The following RAB38 variants were observed in gnomAD, a reference collection of about 807,000 sequenced individuals.
The protein encoded by RAB38 is RAB38, member RAS oncogene family.
RAB38 carries 15 observed loss-of-function variants against 18.4 expected under a neutral mutation model. That is an observed-to-expected ratio of 0.82 (90% CI 0.55 to 1.26). The LOEUF (loss-of-function observed/expected upper bound fraction) is 1.26. Ranked by LOEUF, RAB38 falls within the 50% of genes most tolerant of loss-of-function variation. RAB38 has a pLI of 0.00. For synonymous variants in RAB38, 101 were observed against 104.4 expected, an observed-to-expected ratio of 0.97 and a Z score of 0.20; for missense variants, 294 against 267.4, an observed-to-expected ratio of 1.10 and a Z score of -0.69.
chr11:87,949,744 G>A, the RAB38 span, among the ~76,000 whole-genome samples: 4 of 152,208 alleles, frequency 2.6e-5, no homozygotes, highest in Admixed American at 2.0e-4. Flanking sequence ...ATTGCACTGT[G>A]ATCTGAGAGA....
chr11:88,026,340 G>T, the RAB38 span, among the ~76,000 whole-genome samples: 1 of 151,650 alleles, frequency 6.6e-6, no homozygotes, highest in African/African-American at 2.4e-5. Context: ...GAAGCTGGCG[G>T]ATCACGAGGT....
At chr11:88,095,899 G>T in the RAB38 span, among the ~76,000 whole-genome samples, 1 of 151,792 alleles carries the variant, frequency 6.6e-6, no homozygotes, top group African/African-American at 2.4e-5. Context: ...CTTTGGTTCT[G>T]CTTTTGAGTC....
intron 2 of RAB38, among the ~76,000 whole-genome samples, chr11:88,145,738 T>C (rs1011619622): frequency 1.3e-5 from 2 of 152,158 alleles, no homozygotes; most frequent in African/African-American, 4.8e-5. Context: ...AGCTAAGGTA[T>C]GATGTAGAGA....
the RAB38 span, among the ~76,000 whole-genome samples, chr11:87,926,895 G>C: frequency 2.0e-5 from 3 of 151,974 alleles, no homozygotes; most frequent in Non-Finnish European, 2.9e-5. Context: ...AGTTTGTTTT[G>C]ATGCATTCTA....
the RAB38 span, among the ~76,000 whole-genome samples, chr11:88,069,894 G>T: frequency 6.6e-6 from 1 of 152,152 alleles, no homozygotes. Context: ...ACACCAATCA[G>T]CACTCTGTGT....
chr11:87,968,790 T>C, the RAB38 span, among the ~76,000 whole-genome samples: 1 of 152,138 alleles, frequency 6.6e-6, no homozygotes, highest in African/African-American at 2.4e-5. Context: ...GCAGAATTGC[T>C]TAAGAAAATG....
the RAB38 span, among the ~76,000 whole-genome samples, chr11:87,934,954 A>G: frequency 6.6e-6 from 1 of 152,032 alleles, no homozygotes; most frequent in African/African-American, 2.4e-5. Flanking sequence ...AGCTTGAGGA[A>G]GAGACTGTGT....
At chr11:88,139,645 T>G (rs1942881383) in intron 2 of RAB38, among the ~76,000 whole-genome samples, 1 of 152,324 alleles carries the variant, frequency 6.6e-6, no homozygotes, top group South Asian at 2.1e-4. Flanking sequence ...TCCAACACAA[T>G]GCATCTTAAC....
intron 2 of RAB38, among the ~76,000 whole-genome samples, chr11:88,132,379 G>A (rs76718030): frequency 4.6e-5 from 7 of 152,258 alleles, no homozygotes; most frequent in Admixed American, 1.3e-4. Context: ...CTATAAATGA[G>A]CTCTTCTTTG....
At chr11:87,929,677 TA>T in the RAB38 span, among the ~76,000 whole-genome samples, 1 of 151,820 alleles carries the variant, frequency 6.6e-6, no homozygotes, top group African/African-American at 2.4e-5. Context: ...AGTCGTCATT[TA>T]ACATTAGGTA....
the RAB38 span, among the ~76,000 whole-genome samples, chr11:88,088,136 G>C: frequency 6.6e-6 from 1 of 151,886 alleles, no homozygotes; most frequent in African/African-American, 2.4e-5. Flanking sequence ...TGGAAGCTTT[G>C]TGCTAGCATC....
At chr11:87,923,585 G>A in the RAB38 span, among the ~76,000 whole-genome samples, 1 of 151,640 alleles carries the variant, frequency 6.6e-6, no homozygotes, top group Non-Finnish European at 1.5e-5. Flanking sequence ...GCATGTGTGT[G>A]TGTGTGGCAG....
chr11:87,827,607 C>A, the RAB38 span, among the ~76,000 whole-genome samples: 1 of 151,950 alleles, frequency 6.6e-6, no homozygotes, highest in East Asian at 1.9e-4. Flanking sequence ...GAGTGAGAGC[C>A]ATAGAAATAA....
the RAB38 span, among the ~76,000 whole-genome samples, chr11:87,824,819 T>C: frequency 2.0e-5 from 3 of 152,020 alleles, no homozygotes; most frequent in Admixed American, 2.0e-4. Context: ...GTGAGGACTG[T>C]GAAAAAAGAA....
At chr11:87,879,560 GTTT>G in the RAB38 span, 10 of 151,790 alleles carry the variant, frequency 6.6e-5, no homozygotes, top group Admixed American at 5.9e-4. Context: ...GTCACCTCTG[GTTT>G]TTCTTCCCTA....
intron 1 of RAB38, among the ~76,000 whole-genome samples, chr11:88,163,228 T>C (rs1168345251): frequency 5.3e-5 from 8 of 152,266 alleles, no homozygotes. Context: ...TAAGAGGCTG[T>C]TACTTTATGC....
At chr11:88,110,292 T>C (rs1413671424), downstream of RAB38, among the ~76,000 whole-genome samples, 2 of 151,968 alleles carry the variant, frequency 1.3e-5, no homozygotes, top group African/African-American at 2.4e-5. Flanking sequence ...AAACACTGCA[T>C]GTTCTCACTC....
chr11:88,153,018 G>C (rs996497766), intron 1 of RAB38, among the ~76,000 whole-genome samples: 7 of 152,314 alleles, frequency 4.6e-5, no homozygotes, highest in African/African-American at 1.7e-4. Context: ...AGCTATGAAG[G>C]GTGTTAAATA....
chr11:88,173,778 C>A, intron 1 of RAB38: 1 of 985,318 alleles, frequency 1.0e-6, no homozygotes, highest in Non-Finnish European at 1.2e-6. Context: ...TCTGATAACC[C>A]CCTTGCTACT....
Sources: allele counts gnomAD v4.1 joint callset (sites outside exome capture counted in the v4.1 genomes callset), GRCh38; gene constraint gnomAD v4.1.1; transcripts MANE v1.5; gene names NCBI Gene and HGNC (gene_info 2026-07-23, HGNC 2026-07-21).